TRIP12: variants seen among roughly 807,000 people sequenced by gnomAD.
The protein encoded by TRIP12 is thyroid hormone receptor interactor 12, also known as E3 ubiquitin-protein ligase TRIP12.
Under a neutral mutation model 244.2 loss-of-function variants are expected in TRIP12, and 25 were observed. The observed-to-expected ratio is 0.10, with a 90% CI of 0.07 to 0.14. TRIP12 has a LOEUF of 0.14. Ranked by LOEUF, TRIP12 falls within the 10% of genes least tolerant of loss-of-function variation. TRIP12 has a pLI of 1.00. For missense variants in TRIP12, 1,677 were observed against 2,486.4 expected, an observed-to-expected ratio of 0.67 and a Z score of 6.92; for synonymous variants, 905 against 873.1, an observed-to-expected ratio of 1.04 and a Z score of -0.64.
At chr2:229,874,753 G>A (rs2063294912) in intron 2 of TRIP12, among the ~76,000 whole-genome samples, 4 of 152,124 alleles carry the variant, frequency 2.6e-5, no homozygotes, top group Admixed American at 1.3e-4. Context: ...GGTTATCTCT[G>A]AGTGGTAGGA....
chr2:229,804,952 C>A (rs1011053551), intron 18 of TRIP12, among the ~76,000 whole-genome samples: 4 of 152,126 alleles, frequency 2.6e-5, no homozygotes, highest in South Asian at 2.1e-4. Context: ...GTCACCCAGG[C>A]TGGAGTGTGG....
At chr2:229,835,672 G>A (rs188531455) in intron 6 of TRIP12, among the ~76,000 whole-genome samples, 3 of 152,310 alleles carry the variant, frequency 2.0e-5, no homozygotes, top group African/African-American at 7.2e-5. Context: ...CTGCAATGTA[G>A]TGTACACTGT....
intron 4 of TRIP12, among the ~76,000 whole-genome samples, chr2:229,852,088 G>C (rs1397156658): frequency 6.6e-6 from 1 of 152,080 alleles, no homozygotes; most frequent in African/African-American, 2.4e-5. Context: ...TTCTTGTCTA[G>C]GTCTGATAAA....
chr2:229,769,624 T>G (rs1015273156), intron 39 of TRIP12, among the ~76,000 whole-genome samples: 5 of 152,108 alleles, frequency 3.3e-5, no homozygotes, highest in Non-Finnish European at 7.4e-5. Flanking sequence ...TTTCCTTTCT[T>G]CTCATTACTT....
At chr2:229,844,516 C>T (rs2057178179) in intron 4 of TRIP12, among the ~76,000 whole-genome samples, 1 of 152,180 alleles carries the variant, frequency 6.6e-6, no homozygotes. Flanking sequence ...ATATGGTAAT[C>T]TGAGATACAC....
At chr2:229,779,576 G>A (rs988464170) in intron 34 of TRIP12, among the ~76,000 whole-genome samples, 8 of 152,198 alleles carry the variant, frequency 5.3e-5, no homozygotes, top group South Asian at 2.1e-4. Context: ...GAGATATGTC[G>A]AATAAAATAC....
chr2:229,795,892 A>G (rs182117336), intron 25 of TRIP12, among the ~76,000 whole-genome samples: 31 of 152,356 alleles, frequency 2.0e-4, no homozygotes. Flanking sequence ...GTTAAAATAC[A>G]AGCAATGCTC....
chr2:229,795,327 G>A lies in TRIP12; in HGVS notation c.3820C>T (p.Pro1274Ser). ...ACTCTTCCAATGGGCTCTTCTCCAG[G>A]AAGCTAAAGTTATAAATAAACAAAC... The part of the protein sequence containing the change: ...FLHVFFSSPL[P>S]GEEPIGRVEP... Residue 1274 changes from proline (P) to serine (S), a missense_variant, in exon 26 of 42, where the codon CCT (proline) becomes TCT (serine). This residue lies in a region of TRIP12 where 77 missense variants were observed against 69.2 expected (regional missense o/e 1.11). Coordinates refer to ENST00000675903, the MANE Select transcript of TRIP12 (RefSeq NM_001348323.3). 1.2e-6 allele frequency: 2 copies of A among 1,611,298 alleles called. No homozygotes were observed. The highest frequency in any genetic ancestry group is 4.5e-5 in the East Asian group (2 of 44,710).
chr2:229,805,983 T>C (rs1575270871), intron 17 of TRIP12, 100 bp from the exon 18 acceptor site: 4 of 969,466 alleles, frequency 4.1e-6, no homozygotes, highest in Non-Finnish European at 5.7e-6. Flanking sequence ...TACATATTTA[T>C]TTCAACAGGT....
intron 40 of TRIP12, among the ~76,000 whole-genome samples, chr2:229,768,923 T>C (rs567144372): frequency 6.6e-6 from 1 of 152,360 alleles, no homozygotes; most frequent in East Asian, 1.9e-4. Context: ...TAAGTAAGAC[T>C]TGATCTGGTA....
rs985721860 is a variant in TRIP12, at chr2:229,797,617, A to T, written c.3624+73T>A. 128 of 1,569,186 alleles carry T rather than the reference A, an allele frequency of 8.2e-5. 5 individuals are homozygous for T. In the South Asian group the frequency reaches 1.5e-3, roughly 18 times the overall value. Reference sequence around the variant, plus strand: ...TAAATCCATAGGAAGCTAGAGAGTCATGAAGGAAAAGAGTAGCAGGAGATG... The same window carrying T: ...TAAATCCATAGGAAGCTAGAGAGTCTTGAAGGAAAAGAGTAGCAGGAGATG... On this transcript the variant is annotated intron_variant, in intron 24 of 41. Transcript: ENST00000675903.
intron 4 of TRIP12, among the ~76,000 whole-genome samples, chr2:229,855,030 G>T (rs141804489): frequency 6.6e-6 from 1 of 152,204 alleles, no homozygotes; most frequent in Non-Finnish European, 1.5e-5. Flanking sequence ...CTGGGAGGCC[G>T]CGGGGGATGG....
intron 8 of TRIP12, among the ~76,000 whole-genome samples, chr2:229,820,794 T>C (rs953192934): frequency 2.6e-5 from 4 of 152,134 alleles, no homozygotes; most frequent in African/African-American, 9.7e-5. Flanking sequence ...TTCACCATGT[T>C]GGCCAGGCTG....
Position 229,804,069 on chromosome 2 carries a change from T to C in TRIP12, c.2809A>G (p.Ile937Val). Reference sequence around the variant, plus strand: ...TCCGCAAAATAAATTATCCTAAGAATTGCTCTAAGGCACTTATGTCTGACC... The same window carrying C: ...TCCGCAAAATAAATTATCCTAAGAACTGCTCTAAGGCACTTATGTCTGACC... ...PAVRHKCLRA[I>V]LRIIYFADAE... Residue 937 changes from isoleucine to valine, a missense_variant, in exon 19 of 42, where the codon ATT (isoleucine) becomes GTT (valine). This residue lies in a region of TRIP12 where 572 missense variants were observed against 867.8 expected (regional missense o/e 0.66). Transcript: ENST00000675903. The C allele has an allele frequency of 6.2e-7, 1 of 1,614,154 alleles. No homozygotes were observed. Among genetic ancestry groups the C allele is most frequent in the Non-Finnish European group, 8.5e-7 (1 of 1,180,012 alleles).
chr2:229,835,551 T>C (rs1401248239), intron 6 of TRIP12, among the ~76,000 whole-genome samples: 2 of 152,238 alleles, frequency 1.3e-5, no homozygotes, highest in Non-Finnish European at 2.9e-5. Context: ...AAGCAATGTT[T>C]GTCTCCGTTT....
Position 229,785,850 on chromosome 2 carries a change from A to G in TRIP12, c.5001T>C (p.Thr1667=), listed in dbSNP as rs955945785. 1.6e-5 allele frequency: 25 copies of G among 1,612,124 alleles called. No individual in the cohort carries two copies. Among genetic ancestry groups the G allele is most frequent in the Non-Finnish European group, 2.1e-5 (25 of 1,179,292 alleles). The change falls in exon 34 of 42, where the codon ACT becomes ACC. Residue 1667 remains threonine (T), a synonymous_variant. Transcript: ENST00000675903. ...GTTTCAGCAGCTCCTCTCGGTTCAC[A>G]GTACGCTACAAAGAAAGTACAACTG... The part of the protein sequence containing the change: ...VAPRLDRKKR[T]VNREELLKQA...
intron 1 of TRIP12, among the ~76,000 whole-genome samples, chr2:229,881,431 T>C (rs1045354451): frequency 4.6e-5 from 7 of 152,250 alleles, no homozygotes; most frequent in Non-Finnish European, 1.0e-4. Context: ...TATGACATTA[T>C]AGAAACTGGT....
intron 2 of TRIP12, among the ~76,000 whole-genome samples, chr2:229,866,145 G>T (rs2061477011): frequency 6.6e-6 from 1 of 152,188 alleles, no homozygotes; most frequent in South Asian, 2.1e-4. Context: ...AGCCCTGACA[G>T]TGTGGCAGTG....
chr2:229,869,613 C>T (rs988311585), intron 2 of TRIP12, among the ~76,000 whole-genome samples: 8 of 152,250 alleles, frequency 5.3e-5, no homozygotes, highest in African/African-American at 1.4e-4. Context: ...CCCTACCCTA[C>T]CCTCATTTCT....
Sources: gnomAD v4.1 joint callset for allele counts (sites outside exome capture counted in the v4.1 genomes callset) on GRCh38, gnomAD v4.1.1 for gene constraint, gnomAD v4.1.1 regional missense constraint, MANE v1.5 for transcripts, NCBI Gene and HGNC (gene_info 2026-07-23, HGNC 2026-07-21) for gene names.